Variants in AP4M1 observed in about 807,000 individuals in gnomAD.
The protein encoded by AP4M1 is AP-4 complex subunit mu-1.
A neutral mutation model predicts 62.4 loss-of-function variants in AP4M1; 58 were observed. That is an observed-to-expected ratio of 0.93 (90% CI 0.75 to 1.16). The LOEUF is 1.16. Ranked by LOEUF, AP4M1 falls within the 50% of genes most tolerant of loss-of-function variation. AP4M1 has a pLI of 0.00. For synonymous variants in AP4M1, 290 were observed against 239.7 expected, an observed-to-expected ratio of 1.21 and a Z score of -1.94; for missense variants, 626 against 585.4, an observed-to-expected ratio of 1.07 and a Z score of -0.72.
Position 100,107,117 on chromosome 7 carries a change from T to C in AP4M1, c.*235T>C, listed in dbSNP as rs951441916. The C allele has an allele frequency of 1.0e-5, 14 of 1,369,494 alleles. No homozygotes were observed. In the African/African-American group the frequency reaches 1.5e-4, roughly 14 times the overall value. 84.8% of individuals were successfully genotyped at this position (1,369,494 alleles called of 1,614,324 possible). On this transcript the variant is annotated 3_prime_UTR_variant, in exon 15 of 15. Transcript: ENST00000359593. ...TTATTCTGAGAAACTGGCTGTACAA[T>C]ATCTAAAAAGAAAGTGACATGAAGG... is the stretch of plus-strand genomic sequence containing the variant.
At chr7:100,106,331 A>T (rs764872689) in intron 13 of AP4M1, 40 bp downstream of exon 13, 31 of 1,613,276 alleles carry the variant, frequency 1.9e-5, no homozygotes, top group Non-Finnish European at 2.2e-5. Context: ...TCCTGGGGAG[A>T]GAGTGAGCTC....
Position 100,108,549 on chromosome 7 carries a change from CAG to C in AP4M1, c.*1669_*1670del. 6.3e-7 allele frequency: 1 copy of C among 1,583,388 alleles called. No homozygotes were observed. On this transcript the variant is annotated 3_prime_UTR_variant, in exon 15 of 15. Transcript: ENST00000359593. Reference sequence around the variant, plus strand: ...ACAGGAGCACAGTGTTTCTGCAGAACAGAAAAAAAGCCAGGTAGAGGGAGGGC... The same window carrying C: ...ACAGGAGCACAGTGTTTCTGCAGAACAAAAAAAGCCAGGTAGAGGGAGGGC...
In AP4M1 at chr7:100,106,701, C is replaced by T. The variant is rs1353109570; in HGVS notation, c.1181C>T (p.Ser394Phe). 8.7e-6 allele frequency: 14 copies of T among 1,613,588 alleles called. No homozygotes were observed. Among genetic ancestry groups the T allele is most frequent in the Non-Finnish European group, 1.2e-5 (14 of 1,180,050 alleles). The change falls in exon 15 of 15, where the codon TCC becomes TTC. Residue 394 changes from serine to phenylalanine, a missense_variant. Physicochemically the swap from Ser to Phe is radical, Grantham distance 155. Transcript: ENST00000359593. ...CCAGGACCTCCCAGCCATGGGCTCT[C>T]CACCTCGGCCTCTCCTCTGGGGCTG... ...GPPGPPSHGL[S>F]TSASPLGLGP...
At position 100,105,501 on chromosome 7, in the gene AP4M1, G is replaced by T. The variant is rs781278962; in HGVS notation, c.891G>T (p.Arg297=). The stretch of plus-strand genomic sequence containing the variant: ...ACCTCCCCTCACCGCTCCCCTTCCG[G>T]CTCTTCCCCTCTGTGCAGTGGGACC... ...SDDLPSPLPF[R]LFPSVQWDRG... is the part of the protein sequence containing the mutation. Residue 297 remains arginine, a synonymous_variant, in exon 11 of 15, where the codon CGG becomes CGT. Coordinates refer to ENST00000359593, the MANE Select transcript of AP4M1 (RefSeq NM_004722.4). The T allele has an allele frequency of 3.1e-6, 5 of 1,613,764 alleles. No homozygotes were observed. The African/African-American group carries it at 6.7e-5, about 22-fold the overall frequency.
chr7:100,108,668 G>C lies in AP4M1; in HGVS notation c.*1786G>C. ...AAAAAGGACATTCCTTATCATCTCA[G>C]TGCCCCTGTTGAAGGCCAAATTATG... On this transcript the variant is annotated 3_prime_UTR_variant, in exon 15 of 15. Coordinates refer to ENST00000359593, the MANE Select transcript of AP4M1 (RefSeq NM_004722.4). 10 of 1,097,510 alleles carry C rather than the reference G, an allele frequency of 9.1e-6. No individual in the cohort carries two copies. The highest frequency in any genetic ancestry group is 1.2e-5 in the Non-Finnish European group (9 of 778,884). 68.0% of individuals were successfully genotyped at this position (1,097,510 alleles called of 1,614,324 possible). A position where few individuals can be genotyped will look rare whatever the true frequency, so the allele number is the denominator to read the frequency against.
At position 100,107,014 on chromosome 7, in the gene AP4M1, G is replaced by A. The variant is rs1796571590; in HGVS notation, c.*132G>A. ...AGAGTCCTCAGTCCCAAGACCAGGA[G>A]GGGGCAATGGGCCCAGCCTTTCTGT... On this transcript the variant is annotated 3_prime_UTR_variant, in exon 15 of 15. Transcript: ENST00000359593. 4.8e-6 allele frequency: 6 copies of A among 1,245,796 alleles called. No homozygotes were observed. The highest frequency in any genetic ancestry group is 5.7e-6 in the Non-Finnish European group (5 of 883,848). 77.2% of individuals were successfully genotyped at this position (1,245,796 alleles called of 1,614,324 possible).
In AP4M1 at chr7:100,105,324, G is replaced by C; in HGVS notation, c.812G>C (p.Arg271Pro). The C allele has an allele frequency of 1.9e-6, 3 of 1,613,948 alleles. No individual in the cohort carries two copies. The highest frequency in any genetic ancestry group is 2.5e-6 in the Non-Finnish European group (3 of 1,179,972). The change falls in exon 10 of 15, where the codon CGC (arginine) becomes CCC (proline). Residue 271 changes from arginine to proline, a missense_variant. By Grantham distance (103) the Arg-to-Pro change is moderately radical (BLOSUM62 -2). Transcript: ENST00000359593. The stretch of plus-strand genomic sequence containing the variant: ...GAATTTGAGTCTCATCGAATCCTCC[G>C]CTTGCAACCACCTCAGGGCGAGGTC... Reference protein sequence around the residue: ...LDEFESHRILRLQPPQGELTV... With the variant: ...LDEFESHRILPLQPPQGELTV...
At position 100,101,707 on chromosome 7, in the gene AP4M1, G is replaced by T. The variant is rs1237347842; in HGVS notation, c.-8G>T. The T allele has an allele frequency of 6.2e-7, 1 of 1,612,722 alleles. No homozygotes were observed. The highest frequency in any genetic ancestry group is 8.5e-7 in the Non-Finnish European group (1 of 1,179,174). ...TCGCCGTCTTCTTGTCTACTCTCCA[G>T]AACGGCCATGATTTCCCAATTCTTC... On this transcript the variant is annotated 5_prime_UTR_variant, in exon 1 of 15. Transcript: ENST00000359593.
chr7:100,108,370 C>A lies in AP4M1; in HGVS notation c.*1488C>A. ...TCCTCCCCACCCGGCCACGGACCTG[C>A]GTGATGGTCAGAGTGGTCCTGTTGA... On this transcript the variant is annotated 3_prime_UTR_variant, in exon 15 of 15. Coordinates refer to ENST00000359593, the MANE Select transcript of AP4M1 (RefSeq NM_004722.4). The A allele has an allele frequency of 6.3e-7, 1 of 1,598,828 alleles. No homozygotes were observed. Among genetic ancestry groups the A allele is most frequent in the East Asian group, 2.2e-5 (1 of 44,474 alleles).
chr7:100,100,859 C>T, upstream of AP4M1: 1 of 1,031,584 alleles, frequency 9.7e-7, no homozygotes, highest in Non-Finnish European at 1.2e-6. Context: ...CCTGCCCGCC[C>T]CCGGGGCCTA....
intron 2 of AP4M1, chr7:100,102,366 G>A: frequency 1.9e-6 from 1 of 519,894 alleles, no homozygotes; most frequent in South Asian, 2.0e-5. Flanking sequence ...ACTCCAGCCT[G>A]GGAGACAGAG....
intron 14 of AP4M1, 42 bp downstream of exon 14, chr7:100,106,556 C>G (rs747781545): frequency 6.9e-6 from 11 of 1,593,440 alleles, no homozygotes; most frequent in Non-Finnish European, 8.6e-7. Context: ...CCCACATTCA[C>G]TTGCAGCCCC....
upstream of AP4M1, chr7:100,101,243 C>T: frequency 1.2e-6 from 2 of 1,613,022 alleles, no homozygotes; most frequent in Non-Finnish European, 8.5e-7. Context: ...AGGACGCCCT[C>T]CCGGGCTCGT....
intron 14 of AP4M1, 47 bp downstream of exon 14, chr7:100,106,561 A>AGCC: frequency 1.0e-5 from 16 of 1,567,160 alleles, no homozygotes; most frequent in East Asian, 4.5e-5. Flanking sequence ...ATTCACTTGC[A>AGCC]GCCCCCACCC....
At position 100,106,878 on chromosome 7, in the gene AP4M1, T is replaced by C. The variant is rs200392199; in HGVS notation, c.1358T>C (p.Ile453Thr). The change falls in exon 15 of 15, where the codon ATC becomes ACC. Residue 453 changes from isoleucine to threonine, a missense_variant. By Grantham distance (89) the Ile-to-Thr change is moderately conservative. Coordinates refer to ENST00000359593, the MANE Select transcript of AP4M1 (RefSeq NM_004722.4). ...CACAGCGACGCCTATGTCATTCGGA[T>C]CTGAGGCTCCCCAAACGAGGACACG... Reference protein sequence around the residue: ...LSHSDAYVIRI With the variant: ...LSHSDAYVIRT 8.7e-6 allele frequency: 14 copies of C among 1,612,688 alleles called. No homozygotes were observed. The highest frequency in any genetic ancestry group is 2.5e-6 in the Non-Finnish European group (3 of 1,179,972).
At chr7:100,101,533 G>A (rs1358715426), upstream of AP4M1, 3 of 790,874 alleles carry the variant, frequency 3.8e-6, no homozygotes, top group East Asian at 5.3e-5. Flanking sequence ...AGGCGGTGCG[G>A]GCGTCGGAAG....
chr7:100,103,014 A>G (rs1342421745), intron 4 of AP4M1, 54 bp downstream of exon 4: 1 of 1,460,472 alleles, frequency 6.8e-7, no homozygotes, highest in Non-Finnish European at 9.6e-7. Context: ...CTGAAGATAC[A>G]TCTGCTCTTC....
Position 100,104,096 on chromosome 7 carries a change from A to G in AP4M1, c.548A>G (p.Gln183Arg). The change falls in exon 7 of 15, where the codon CAA becomes CGA. Residue 183 changes from glutamine to arginine, a missense_variant. Physicochemically the swap from Gln to Arg is conservative, Grantham distance 43. Coordinates refer to ENST00000359593, the MANE Select transcript of AP4M1 (RefSeq NM_004722.4). ...CAAATTCTCTCTCTTTCTCAGAGCCAAAAGAATGAAGTTTTTTTGGATGTG... is the reference window on the plus strand; with the variant it reads ...CAAATTCTCTCTCTTTCTCAGAGCCGAAAGAATGAAGTTTTTTTGGATGTG... ...PVLSSRSDQS[Q>R]KNEVFLDVVE... 1 of 1,613,942 alleles carries G rather than the reference A, an allele frequency of 6.2e-7. No homozygotes were observed. The highest frequency in any genetic ancestry group is 1.1e-5 in the South Asian group (1 of 91,068).
chr7:100,101,501 G>T, upstream of AP4M1: 1 of 790,316 alleles, frequency 1.3e-6, no homozygotes, highest in Non-Finnish European at 2.1e-6. Flanking sequence ...ATCACCGTGC[G>T]GGCCTAGAAT....
Sources: allele counts gnomAD v4.1 joint callset, GRCh38; gene constraint gnomAD v4.1.1; transcripts MANE v1.5; gene names NCBI Gene and HGNC (gene_info 2026-07-23, HGNC 2026-07-21).